Variants in PKIB observed in about 807,000 individuals in gnomAD.
PKIB encodes the protein cAMP-dependent protein kinase inhibitor beta.
PKIB carries 2 observed loss-of-function variants against 4.5 expected under a neutral mutation model. The observed-to-expected ratio is 0.44, with a 90% CI of 0.18 to 1.39. The LOEUF is 1.39. Among genes scored for constraint, PKIB ranks in the 40% most tolerant of loss-of-function variants. The pLI, the probability that PKIB is intolerant of heterozygous loss-of-function variation, is 0.27. For synonymous variants in PKIB, 38 were observed against 36.0 expected (o/e 1.06, Z -0.20); for missense variants, 94 against 92.6 (o/e 1.02, Z -0.06).
intron 2 of PKIB, among the ~76,000 whole-genome samples, chr6:122,520,982 G>A (rs975729181): frequency 3.4e-4 from 52 of 152,116 alleles, no homozygotes; most frequent in Non-Finnish European, 1.9e-4. Flanking sequence ...TGAGTATGAC[G>A]GATGAGGCAA....
chr6:122,534,795 T>C (rs570194056), intron 2 of PKIB, among the ~76,000 whole-genome samples: 43 of 152,268 alleles, frequency 2.8e-4, no homozygotes, highest in Non-Finnish European at 1.6e-4. Flanking sequence ...AGGCCCCTCA[T>C]TTTTGAATGA....
intron 3 of PKIB, among the ~76,000 whole-genome samples, chr6:122,691,402 C>G (rs1778350316): frequency 6.6e-6 from 1 of 151,952 alleles, no homozygotes; most frequent in Non-Finnish European, 1.5e-5. Flanking sequence ...TCTGCTCTGA[C>G]TGTATTTTCA....
At chr6:122,494,225 T>C (rs542299655) in intron 2 of PKIB, among the ~76,000 whole-genome samples, 48 of 152,304 alleles carry the variant, frequency 3.2e-4, no homozygotes, top group Non-Finnish European at 1.5e-4. Flanking sequence ...TTAAAAAACT[T>C]TCATTTAATC....
intron 1 of PKIB, among the ~76,000 whole-genome samples, chr6:122,477,150 G>C (rs1157989666): frequency 6.6e-6 from 1 of 152,026 alleles, no homozygotes; most frequent in Admixed American, 6.5e-5. Context: ...TTTCATATAA[G>C]TCTTCAGAAT....
upstream of PKIB, chr6:122,610,272 G>T (rs1291444157): frequency 3.3e-5 from 5 of 152,254 alleles, no homozygotes; most frequent in Non-Finnish European, 5.9e-5. Flanking sequence ...GAGTGATGCG[G>T]TGGCCCGGTT....
intron 2 of PKIB, among the ~76,000 whole-genome samples, chr6:122,667,395 G>A (rs1021175243): frequency 2.6e-5 from 4 of 152,086 alleles, no homozygotes; most frequent in Admixed American, 1.3e-4. Flanking sequence ...AAATTAGCTG[G>A]GCGTGGTGGC....
intron 1 of PKIB, among the ~76,000 whole-genome samples, chr6:122,626,923 A>G (rs1020334774): frequency 2.6e-5 from 4 of 152,034 alleles, no homozygotes; most frequent in Non-Finnish European, 5.9e-5. Context: ...GACAATTTAA[A>G]TTTTCTAAAC....
Position 122,602,955 on chromosome 6 carries a change from CAAAAAAAAAA to C in PKIB, c.-161+16962_-161+16971del, listed in dbSNP as rs71021410. Among the ~76,000 whole-genome samples the C allele has an allele frequency of 9.0e-3, 677 of 74,896 alleles. 5 individuals carry two copies. The highest frequency in any genetic ancestry group is 0.038 in the African/African-American group (645 of 16,918). 49.1% of individuals were successfully genotyped at this position (74,896 alleles called of 152,430 possible). A position where few individuals can be genotyped will look rare whatever the true frequency, so the allele number is the denominator to read the frequency against. ...TGGGTGACAGGGCAAGACTGCGTCTCAAAAAAAAAAAAAAAAAAAAAAATAGGAGTACGTT... is the reference window on the plus strand; with the variant it reads ...TGGGTGACAGGGCAAGACTGCGTCTCAAAAAAAAAAAAATAGGAGTACGTT... On this transcript the variant is annotated intron_variant, in intron 3 of 6. Transcript: ENST00000392491.
At chr6:122,643,151 C>G (rs1335574639) in intron 2 of PKIB, among the ~76,000 whole-genome samples, 1 of 152,026 alleles carries the variant, frequency 6.6e-6, no homozygotes, top group African/African-American at 2.4e-5. Context: ...TATCTTAGTT[C>G]CCTACATGTT....
intron 1 of PKIB, among the ~76,000 whole-genome samples, chr6:122,619,554 G>A (rs912978802): frequency 5.3e-5 from 8 of 151,906 alleles, no homozygotes; most frequent in Admixed American, 3.3e-4. Context: ...GTTAGAATGC[G>A]TTAGAATGCA....
rs146394303 is a variant in PKIB, at chr6:122,625,830, A to T, written c.-160-7453A>T. On this transcript the variant is annotated intron_variant, in intron 1 of 4. Coordinates refer to ENST00000368452, the MANE Select transcript of PKIB (RefSeq NM_181795.3). ...ATACCTGTAATCCCAGCACTTTGGG[A>T]GGCCTAGGCAGGTGCTTAGCTTGAG... 1.2e-3 allele frequency among the ~76,000 whole-genome samples: 187 copies of T among 152,088 alleles called. 3 individuals carry two copies. In the East Asian group the frequency reaches 0.021, roughly 17 times the overall value.
At chr6:122,596,320 C>T (rs1774175136) in intron 3 of PKIB, among the ~76,000 whole-genome samples, 1 of 152,180 alleles carries the variant, frequency 6.6e-6, no homozygotes, top group African/African-American at 2.4e-5. Flanking sequence ...AGGGAACTCC[C>T]CATGAGGCCA....
intron 2 of PKIB, among the ~76,000 whole-genome samples, chr6:122,542,166 G>A (rs977024553): frequency 1.3e-5 from 2 of 151,978 alleles, no homozygotes; most frequent in African/African-American, 4.8e-5. Context: ...ATTGTCTGAA[G>A]CCTTCTTCTC....
At chr6:122,537,068 T>G (rs2114627901) in intron 2 of PKIB, among the ~76,000 whole-genome samples, 1 of 152,200 alleles carries the variant, frequency 6.6e-6, no homozygotes, top group South Asian at 2.1e-4. Context: ...GTAAATTTTT[T>G]TTCTTTATAC....
intron 2 of PKIB, among the ~76,000 whole-genome samples, chr6:122,506,024 A>G (rs555174863): frequency 6.6e-6 from 1 of 152,316 alleles, no homozygotes; most frequent in African/African-American, 2.4e-5. Flanking sequence ...AATAAGGCCC[A>G]TAATGACTGT....
At chr6:122,688,766 C>A (rs1421587034) in intron 3 of PKIB, among the ~76,000 whole-genome samples, 1 of 149,742 alleles carries the variant, frequency 6.7e-6, no homozygotes, top group Admixed American at 6.7e-5. Context: ...CTTATAGTAG[C>A]CACTAATGAG....
chr6:122,648,031 C>T (rs1776395355), intron 2 of PKIB, among the ~76,000 whole-genome samples: 1 of 152,218 alleles, frequency 6.6e-6, no homozygotes, highest in African/African-American at 2.4e-5. Flanking sequence ...ATCCTTACCT[C>T]CACTGCGTGG....
At chr6:122,660,151 A>G (rs9490514) in intron 2 of PKIB, among the ~76,000 whole-genome samples, 1,685 of 152,316 alleles carry the variant, frequency 0.011, 34 homozygotes, top group African/African-American at 0.038. Flanking sequence ...GTGGATTCTG[A>G]CATACATGAG....
At chr6:122,540,333 C>T (rs960786076) in intron 2 of PKIB, among the ~76,000 whole-genome samples, 43 of 151,784 alleles carry the variant, frequency 2.8e-4, no homozygotes, top group African/African-American at 1.0e-3. Context: ...TATAAATTTC[C>T]CTCTACACAC....
Sources: allele counts gnomAD v4.1 joint callset (sites outside exome capture counted in the v4.1 genomes callset), GRCh38; gene constraint gnomAD v4.1.1; transcripts MANE v1.5; gene names NCBI Gene and HGNC (gene_info 2026-07-23, HGNC 2026-07-21).